PHLDB2: variants seen among roughly 807,000 people sequenced by gnomAD.
PHLDB2 encodes pleckstrin homology-like domain family B member 2.
Under a neutral mutation model 123.6 loss-of-function variants are expected in PHLDB2, and 71 were observed. The observed-to-expected ratio is 0.57, with a 90% confidence interval of 0.47 to 0.70. The LOEUF (loss-of-function observed/expected upper bound fraction) is 0.70, where lower values mean the gene tolerates loss of function less well. Among genes scored for constraint, PHLDB2 ranks in the 30% least tolerant of loss-of-function variants. The probability of loss-of-function intolerance (pLI) is 0.00; values close to 1 mark genes in which losing one functional copy is unlikely to be tolerated. For missense variants in PHLDB2, 1,446 were observed against 1,519.5 expected (o/e 0.95, Z 0.80); for synonymous variants, 547 against 541.6 (o/e 1.01, Z -0.14).
intron 1 of PHLDB2, among the ~76,000 whole-genome samples, chr3:111,770,559 C>T (rs4234403): frequency 0.88 from 133,174 of 152,196 alleles, 58,983 homozygotes; most frequent in East Asian, 1. Context: ...TATAAGACTA[C>T]AGACACGCAC....
Position 111,799,307 on chromosome 3 carries a change from CT to C in PHLDB2, c.-48-46513del, listed in dbSNP as rs535781034. ...GAGGCCCACATAGCCAAAAAAATCA[CT>C]CTGAAATCTATCATGGTGTCAGCAC... is the stretch of plus-strand genomic sequence containing the variant. On this transcript the variant is annotated intron_variant, in intron 1 of 17. Transcript: ENST00000393923. Among the ~76,000 whole-genome samples the C allele has an allele frequency of 2.4e-3, 363 of 152,300 alleles. 1 individual carries two copies. Among genetic ancestry groups the C allele is most frequent in the Middle Eastern group, 6.8e-3 (2 of 294 alleles).
At chr3:111,893,850 C>T (rs1322392015) in intron 2 of PHLDB2, among the ~76,000 whole-genome samples, 1 of 147,014 alleles carries the variant, frequency 6.8e-6, no homozygotes, top group Non-Finnish European at 1.5e-5. Context: ...AATTAGCAAT[C>T]TATTCTCTAA....
intron 2 of PHLDB2, among the ~76,000 whole-genome samples, chr3:111,847,841 A>G (rs573148146): frequency 1.3e-5 from 2 of 152,254 alleles, no homozygotes; most frequent in African/African-American, 4.8e-5. Flanking sequence ...AGAGGTAAAA[A>G]TTATATGATT....
chr3:111,762,745 C>T (rs1248268593), intron 1 of PHLDB2, among the ~76,000 whole-genome samples: 1 of 152,148 alleles, frequency 6.6e-6, no homozygotes, highest in Non-Finnish European at 1.5e-5. Context: ...GCTCTGATCC[C>T]CACAGACTCT....
intron 1 of PHLDB2, among the ~76,000 whole-genome samples, chr3:111,801,793 G>A (rs1212934842): frequency 1.3e-5 from 2 of 152,210 alleles, no homozygotes; most frequent in Non-Finnish European, 2.9e-5. Flanking sequence ...GAATAGTCAA[G>A]TCTATAGAGA....
intron 1 of PHLDB2, among the ~76,000 whole-genome samples, chr3:111,752,219 A>AGT (rs57931243): frequency 0.094 from 13,833 of 146,900 alleles, 1,053 homozygotes; most frequent in African/African-American, 0.21. Context: ...GAAGTTTCTA[A>AGT]GTGTGTGTGT....
chr3:111,862,269 T>C (rs1386976445), intron 1 of PHLDB2, among the ~76,000 whole-genome samples: 1 of 152,258 alleles, frequency 6.6e-6, no homozygotes, highest in Non-Finnish European at 1.5e-5. Flanking sequence ...GTACATTTTC[T>C]AGGTGGAGTA....
At position 111,885,273 on chromosome 3, in the gene PHLDB2, GACAGGCCTCAGGA is replaced by G; in HGVS notation, c.1199_1211del (p.Gln400ProfsTer22). The G allele has an allele frequency of 6.2e-7, 1 of 1,614,190 alleles. No individual in the cohort carries two copies. Among genetic ancestry groups the G allele is most frequent in the Non-Finnish European group, 8.5e-7 (1 of 1,180,032 alleles). On this transcript the variant is annotated frameshift_variant, in exon 2 of 18. Transcript: ENST00000431670. LOFTEE classifies it high-confidence loss of function. Reference sequence around the variant, plus strand: ...GATGAGGCAGATTTGGAAAGCCTCAGACAGGCCTCAGGAACCCCCCAGCCTGCCCTTCGGGAAC... The same window carrying G: ...GATGAGGCAGATTTGGAAAGCCTCAGACCCCCCAGCCTGCCCTTCGGGAAC...
At position 111,863,243 on chromosome 3, in the gene PHLDB2, G is replaced by C. The variant is rs187267820; in HGVS notation, c.-15+3667G>C. Among the ~76,000 whole-genome samples, 3 of 152,332 alleles carry C rather than the reference G, an allele frequency of 2.0e-5. No individual in the cohort carries two copies. The East Asian group carries it at 5.8e-4, about 29-fold the overall frequency. Reference sequence around the variant, plus strand: ...AAAGTAGGCAACAGATGGTTCCACAGACATAGCAGATGTTGCTTTTGAATC... The same window carrying C: ...AAAGTAGGCAACAGATGGTTCCACACACATAGCAGATGTTGCTTTTGAATC... On this transcript the variant is annotated intron_variant, in intron 1 of 17. Transcript: ENST00000431670.
intron 1 of PHLDB2, among the ~76,000 whole-genome samples, chr3:111,740,560 A>G (rs1230511790): frequency 6.6e-6 from 1 of 152,174 alleles, no homozygotes; most frequent in East Asian, 1.9e-4. Flanking sequence ...CTCTATTCCT[A>G]ATATCTAACT....
At chr3:111,806,961 A>C (rs2061615828) in intron 1 of PHLDB2, among the ~76,000 whole-genome samples, 1 of 151,848 alleles carries the variant, frequency 6.6e-6, no homozygotes, top group Non-Finnish European at 1.5e-5. Flanking sequence ...AAGATGAAGA[A>C]GTTCTAGTTA....
chr3:111,744,312 G>T lies in PHLDB2; in HGVS notation c.-49+11609G>T, dbSNP rs576366788. ...TTAGATGTTAATGAGCATGTGGGGA[G>T]CAGACCCTTCCGCACATTGCTGCTG... is the stretch of plus-strand genomic sequence containing the variant. On this transcript the variant is annotated intron_variant, in intron 1 of 17. Coordinates refer to the PHLDB2 transcript ENST00000393923. Among the ~76,000 whole-genome samples the T allele has an allele frequency of 2.0e-5, 3 of 152,300 alleles. No individual in the cohort carries two copies. In the South Asian group the frequency reaches 6.2e-4, roughly 32 times the overall value.
At chr3:111,753,046 C>A (rs1240607232) in intron 1 of PHLDB2, among the ~76,000 whole-genome samples, 1 of 152,116 alleles carries the variant, frequency 6.6e-6, no homozygotes, top group East Asian at 1.9e-4. Context: ...TCCACTCTAT[C>A]ATTGTTGGAC....
chr3:111,956,298 C>T (rs1476454287), intron 12 of PHLDB2, among the ~76,000 whole-genome samples: 1 of 152,094 alleles, frequency 6.6e-6, no homozygotes, highest in Non-Finnish European at 1.5e-5. Context: ...TTAACATTAC[C>T]ATTTAAGAGG....
rs1207212958 is a variant in PHLDB2 at position 111,949,028 on chromosome 3, A to T, written c.2584A>T (p.Thr862Ser). 1.2e-6 allele frequency: 2 copies of T among 1,613,782 alleles called. No homozygotes were observed. Among genetic ancestry groups the T allele is most frequent in the Non-Finnish European group, 1.7e-6 (2 of 1,179,948 alleles). Reference protein sequence around the residue: ...QFPADADAVATEPATAVLASQ... With the variant: ...QFPADADAVASEPATAVLASQ... ...TCCTGCTGATGCTGATGCTGTTGCC[A>T]CTGAGCCTGCCACAGCTGTGCTGGC... Residue 862 changes from threonine (T) to serine (S), a missense_variant, in exon 10 of 18, where the codon ACT (threonine) becomes TCT (serine). Physicochemically the swap from Thr to Ser is moderately conservative, Grantham distance 58. Around this residue, in one of 3 missense-constraint regions of PHLDB2, gnomAD observed 594 missense variants for 646.0 expected, o/e 0.92. Coordinates refer to ENST00000431670, the MANE Select transcript of PHLDB2 (RefSeq NM_001134438.2).
chr3:111,951,278 GC>G (rs1163711561), intron 10 of PHLDB2, among the ~76,000 whole-genome samples: 14 of 152,054 alleles, frequency 9.2e-5, no homozygotes, highest in Admixed American at 8.5e-4. Context: ...TCACCTCTCT[GC>G]CCCCTAGATT....
chr3:111,846,470 T>G (rs886871180), intron 2 of PHLDB2: 1 of 152,980 alleles, frequency 6.5e-6, no homozygotes, highest in African/African-American at 2.4e-5. Context: ...TTATTTTTTA[T>G]TATGCCTCAG....
intron 16 of PHLDB2, among the ~76,000 whole-genome samples, chr3:111,971,301 G>A (rs576953729): frequency 1.3e-4 from 20 of 152,216 alleles, no homozygotes; most frequent in African/African-American, 4.8e-4. Flanking sequence ...CCTGTTCTCT[G>A]TGAGCCTTAT....
intron 6 of PHLDB2, among the ~76,000 whole-genome samples, chr3:111,936,662 C>T (rs572601286): frequency 6.6e-6 from 1 of 152,254 alleles, no homozygotes. Flanking sequence ...CTTTGACTTT[C>T]ATGCAGGGTT....
Sources: allele counts gnomAD v4.1 joint callset (sites outside exome capture counted in the v4.1 genomes callset), GRCh38; gene constraint gnomAD v4.1.1; regional missense constraint gnomAD v4.1.1; transcripts MANE v1.5; gene names NCBI Gene and HGNC (gene_info 2026-07-23, HGNC 2026-07-21).